The following ARHGDIB variants were observed in gnomAD, a reference collection of about 807,000 sequenced individuals.
ARHGDIB encodes Rho GDP dissociation inhibitor beta, also known as rho GDP-dissociation inhibitor 2.
In ARHGDIB, 20 loss-of-function variants were observed where a neutral mutation model predicts 22.6. That is an observed-to-expected ratio of 0.88 (90% CI 0.62 to 1.28). The LOEUF (loss-of-function observed/expected upper bound fraction) is 1.28. Ranked by LOEUF, ARHGDIB falls within the 50% of genes most tolerant of loss-of-function variation. The pLI is 0.00. For missense variants in ARHGDIB, 254 were observed against 245.4 expected (o/e 1.04, Z -0.23); for synonymous variants, 114 against 96.1 (o/e 1.19, Z -1.09).
rs1020392554 is a variant in ARHGDIB, at chr12:14,942,370, G to T, written c.*152C>A. On this transcript the variant is annotated 3_prime_UTR_variant, in exon 6 of 6. Transcript: ENST00000228945. ...TTAAGCCTCTTGTTCTAGGGACCAC[G>T]TTGAGTGACAGGGTGGGAAAAGATG... 3.6e-6 allele frequency: 3 copies of T among 842,330 alleles called. No individual in the cohort carries two copies. The highest frequency in any genetic ancestry group is 1.7e-5 in the African/African-American group (1 of 59,806). 52.2% of individuals were successfully genotyped at this position (842,330 alleles called of 1,614,324 possible).
chr12:14,952,864 C>A (rs376098495), intron 1 of ARHGDIB, among the ~76,000 whole-genome samples: 1 of 152,134 alleles, frequency 6.6e-6, no homozygotes, highest in South Asian at 2.1e-4. Context: ...TGAAACCTGG[C>A]CATCAGATGG....
chr12:14,951,934 T>C (rs1341523164), intron 1 of ARHGDIB, among the ~76,000 whole-genome samples: 1 of 152,048 alleles, frequency 6.6e-6, no homozygotes, highest in East Asian at 1.9e-4. Context: ...GAAGTCCCTC[T>C]GGGAAGAATT....
chr12:14,944,967 G>A, intron 4 of ARHGDIB, 128 bp from the exon 5 acceptor site: 1 of 681,996 alleles, frequency 1.5e-6, no homozygotes, highest in Non-Finnish European at 2.3e-6. Flanking sequence ...GTTCAGAATT[G>A]GTGTTTCTAT....
intron 1 of ARHGDIB, among the ~76,000 whole-genome samples, chr12:14,951,487 G>A (rs775282098): frequency 2.3e-4 from 35 of 152,078 alleles, no homozygotes; most frequent in Admixed American, 1.6e-3. Context: ...CACAAAAATA[G>A]CAAAGGACAG....
chr12:14,944,587 C>T (rs546137850), intron 5 of ARHGDIB, among the ~76,000 whole-genome samples, 189 bp downstream of exon 5: 2 of 152,276 alleles, frequency 1.3e-5, no homozygotes, highest in African/African-American at 2.4e-5. Flanking sequence ...GCAGTCTAAA[C>T]GAGGTCCCCT....
At chr12:14,944,916 C>A (rs1863975556) in intron 4 of ARHGDIB, 77 bp from the exon 5 acceptor site, 1 of 1,268,446 alleles carries the variant, frequency 7.9e-7, no homozygotes, top group East Asian at 2.4e-5. Flanking sequence ...CTGATCCTGC[C>A]TAGCTGAATC....
rs1446087069 is a variant in ARHGDIB at position 14,949,902 on chromosome 12, G to A, written c.182-17C>T. ...CTTTCGGATCTGCAGGATCGAAAGG[G>A]AATGTAAGTACCAAGAAGAGACATG... On this transcript the variant is annotated splice_polypyrimidine_tract_variant and intron_variant, in intron 2 of 5. Transcript: ENST00000228945. 6.2e-7 allele frequency: 1 copy of A among 1,610,342 alleles called. No homozygotes were observed. The highest frequency in any genetic ancestry group is 1.7e-5 in the Admixed American group (1 of 59,682).
At chr12:14,943,546 T>C (rs1011232430) in intron 5 of ARHGDIB, among the ~76,000 whole-genome samples, 3 of 152,156 alleles carry the variant, frequency 2.0e-5, no homozygotes, top group African/African-American at 4.8e-5. Flanking sequence ...TGATGGACTT[T>C]AAGGATCTTC....
chr12:14,945,094 T>A (rs767319970), intron 4 of ARHGDIB, among the ~76,000 whole-genome samples: 24 of 151,802 alleles, frequency 1.6e-4, no homozygotes, highest in Non-Finnish European at 2.8e-4. Flanking sequence ...GAGAGAGGAG[T>A]GGTTCATTAA....
chr12:14,942,558 C>T lies in ARHGDIB; in HGVS notation c.570G>A (p.Glu190=), dbSNP rs1396522924. Residue 190 remains glutamate, a synonymous_variant, in exon 6 of 6, where the codon GAG becomes GAA. Coordinates refer to ENST00000228945, the MANE Select transcript of ARHGDIB (RefSeq NM_001175.7). The part of the protein sequence containing the change: ...DDDKQDHLSW[E]WNLSIKKEWT... Reference sequence around the variant, plus strand: ...ACTCCTTCTTAATCGACAGGTTCCACTCCCAGCTGAGGTGGTCTTGCTTGT... The same window carrying T: ...ACTCCTTCTTAATCGACAGGTTCCATTCCCAGCTGAGGTGGTCTTGCTTGT... 2 of 1,614,042 alleles carry T rather than the reference C, an allele frequency of 1.2e-6. No individual in the cohort carries two copies. Among genetic ancestry groups the T allele is most frequent in the South Asian group, 1.1e-5 (1 of 91,084 alleles).
chr12:14,957,303 C>A (rs537061451), intron 1 of ARHGDIB, among the ~76,000 whole-genome samples: 1 of 152,284 alleles, frequency 6.6e-6, no homozygotes, highest in African/African-American at 2.4e-5. Flanking sequence ...ATAGATGTTC[C>A]GTGAATATTT....
intron 4 of ARHGDIB, among the ~76,000 whole-genome samples, chr12:14,945,272 T>A (rs1863985536): frequency 6.6e-6 from 1 of 152,104 alleles, no homozygotes; most frequent in South Asian, 2.1e-4. Flanking sequence ...AACCACAACC[T>A]CAGAGATGAT....
intron 4 of ARHGDIB, 171 bp downstream of exon 4, chr12:14,947,702 G>T (rs1368988573): frequency 1.7e-6 from 1 of 585,512 alleles, no homozygotes; most frequent in Non-Finnish European, 3.0e-6. Flanking sequence ...AGGCAAACGT[G>T]GGTCTCAACA....
At chr12:14,948,159 C>T (rs1864074006) in intron 3 of ARHGDIB, among the ~76,000 whole-genome samples, 1 of 150,690 alleles carries the variant, frequency 6.6e-6, no homozygotes, top group Non-Finnish European at 1.5e-5. Context: ...AATCTTACAG[C>T]TCTGTTATGA....
At chr12:14,949,701 T>C (rs938895595) in intron 3 of ARHGDIB, 101 bp downstream of exon 3, 1 of 1,028,536 alleles carries the variant, frequency 9.7e-7, no homozygotes, top group African/African-American at 1.6e-5. Context: ...TATATATCTC[T>C]CTGATTCACC....
chr12:14,943,463 C>A (rs1332869632), intron 5 of ARHGDIB, among the ~76,000 whole-genome samples: 1 of 151,044 alleles, frequency 6.6e-6, no homozygotes, highest in Admixed American at 6.6e-5. Flanking sequence ...CAAATTGAGA[C>A]CTCAGTTCTG....
chr12:14,952,693 G>T (rs776390666), intron 1 of ARHGDIB, among the ~76,000 whole-genome samples: 4 of 152,096 alleles, frequency 2.6e-5, no homozygotes, highest in Non-Finnish European at 5.9e-5. Context: ...GATGAGACAG[G>T]GGCATACCCA....
chr12:14,957,909 G>C (rs571312449), intron 1 of ARHGDIB, among the ~76,000 whole-genome samples: 9 of 152,174 alleles, frequency 5.9e-5, no homozygotes, highest in African/African-American at 9.6e-5. Context: ...AGAGGGAAGA[G>C]AGAGAGAAAA....
chr12:14,942,363 G>T lies in ARHGDIB; in HGVS notation c.*159C>A, dbSNP rs901147282. The T allele has an allele frequency of 7.6e-6, 6 of 793,080 alleles. No individual in the cohort carries two copies. In the African/African-American group the frequency reaches 1.0e-4, roughly 14 times the overall value. 49.1% of individuals were successfully genotyped at this position (793,080 alleles called of 1,614,324 possible). Reference sequence around the variant, plus strand: ...CCCGGTTTTAAGCCTCTTGTTCTAGGGACCACGTTGAGTGACAGGGTGGGA... The same window carrying T: ...CCCGGTTTTAAGCCTCTTGTTCTAGTGACCACGTTGAGTGACAGGGTGGGA... On this transcript the variant is annotated 3_prime_UTR_variant, in exon 6 of 6. Coordinates refer to ENST00000228945, the MANE Select transcript of ARHGDIB (RefSeq NM_001175.7).
Sources: allele counts gnomAD v4.1 joint callset (sites outside exome capture counted in the v4.1 genomes callset), GRCh38; gene constraint gnomAD v4.1.1; transcripts MANE v1.5; gene names NCBI Gene and HGNC (gene_info 2026-07-23, HGNC 2026-07-21).